Variants in SPATC1L observed in about 807,000 individuals in gnomAD.
SPATC1L encodes speriolin-like protein.
SPATC1L carries 20 observed loss-of-function variants against 21.2 expected under a neutral mutation model. The ratio of observed to expected loss-of-function variants is 0.94; its 90% CI spans 0.66 to 1.37. SPATC1L has a LOEUF of 1.37. SPATC1L is among the 40% of genes most tolerant of loss of function. The probability of loss-of-function intolerance (pLI) is 0.00; values close to 1 mark genes in which losing one functional copy is unlikely to be tolerated. For missense variants in SPATC1L, 499 were observed against 478.7 expected, an observed-to-expected ratio of 1.04 and a Z score of -0.40; for synonymous variants, 290 against 234.5, an observed-to-expected ratio of 1.24 and a Z score of -2.16.
At chr21:46,175,738 G>A (rs546779615) in intron 2 of SPATC1L, among the ~76,000 whole-genome samples, 34 of 152,304 alleles carry the variant, frequency 2.2e-4, no homozygotes, top group African/African-American at 7.9e-4. Context: ...ACAAAGAAGA[G>A]CTGGTACCAT....
intron 2 of SPATC1L, among the ~76,000 whole-genome samples, chr21:46,175,688 C>T (rs981158267): frequency 1.3e-5 from 2 of 152,044 alleles, no homozygotes; most frequent in African/African-American, 4.8e-5. Context: ...CCAAAAAAAG[C>T]CAGGACCAGA....
At chr21:46,171,061 T>C (rs2839129) in intron 2 of SPATC1L, among the ~76,000 whole-genome samples, 41,544 of 152,158 alleles carry the variant, frequency 0.27, 6,974 homozygotes, top group African/African-American at 0.46. Flanking sequence ...CTCTGTGGTC[T>C]GACGCTGGGC....
chr21:46,173,286 G>A (rs894322726), intron 2 of SPATC1L, among the ~76,000 whole-genome samples: 3 of 152,010 alleles, frequency 2.0e-5, no homozygotes, highest in Non-Finnish European at 4.4e-5. Context: ...GGTGCCCTGG[G>A]GGTCTTCACC....
Position 46,161,676 on chromosome 21 carries a change from C to A in SPATC1L, c.726G>T (p.Val242=). Residue 242 remains valine (V), a synonymous_variant, in exon 5 of 5, where the codon GTG becomes GTT. Transcript: ENST00000291672. ...QTSTKSLDGS[V]DERKLRELTQ... is the part of the protein sequence containing the mutation. ...TCAGCTCGCGCAGCTTCCTCTCGTCCACGGAGCCGTCCAGAGACTTGGTGG... is the reference window on the plus strand; with the variant it reads ...TCAGCTCGCGCAGCTTCCTCTCGTCAACGGAGCCGTCCAGAGACTTGGTGG... 1 of 1,606,004 alleles carries A rather than the reference C, an allele frequency of 6.2e-7. No homozygotes were observed. Among genetic ancestry groups the A allele is most frequent in the Non-Finnish European group, 8.5e-7 (1 of 1,177,042 alleles).
rs1383750988 is a variant in SPATC1L at position 46,182,911 on chromosome 21, G to A, written c.-95C>T. 6.1e-6 allele frequency: 8 copies of A among 1,303,878 alleles called. No homozygotes were observed. Among genetic ancestry groups the A allele is most frequent in the African/African-American group, 4.5e-5 (3 of 66,548 alleles). The allele number at this position is 1,303,878 out of a possible 1,614,324, so 80.8% of individuals were successfully genotyped here. On this transcript the variant is annotated 5_prime_UTR_variant, in exon 2 of 5. Coordinates refer to ENST00000291672, the MANE Select transcript of SPATC1L (RefSeq NM_001142854.2). ...GGCACCACAGAAACAGCCCAGGCAC[G>A]GAGTTCCGTAGCCACCACCGCCTTC...
At chr21:46,169,065 C>T (rs956010292) in intron 2 of SPATC1L, among the ~76,000 whole-genome samples, 18 of 152,266 alleles carry the variant, frequency 1.2e-4, no homozygotes, top group Non-Finnish European at 2.5e-4. Flanking sequence ...ATTTATCCAC[C>T]CTGAGCCATC....
rs1258128450 is a variant in SPATC1L, at chr21:46,161,217, G to A, written c.*162C>T. 15 of 560,108 alleles carry A rather than the reference G, an allele frequency of 2.7e-5. No homozygotes were observed. Among genetic ancestry groups the A allele is most frequent in the African/African-American group, 6.0e-5 (3 of 50,004 alleles). The allele number at this position is 560,108 out of a possible 1,614,324, so 34.7% of individuals were successfully genotyped here. ...GCACTCCGCAGGTGCGGGCAGCGGC[G>A]GGCTGCGGTCGGGGCCCAGCACCGG... On this transcript the variant is annotated 3_prime_UTR_variant, in exon 5 of 5. Transcript: ENST00000291672.
intron 3 of SPATC1L, 107 bp downstream of exon 3, chr21:46,168,201 T>A (rs2079553836): frequency 1.5e-6 from 1 of 680,936 alleles, no homozygotes; most frequent in Non-Finnish European, 2.4e-6. Flanking sequence ...CTCCACTCTG[T>A]GTGACTGGAT....
intron 2 of SPATC1L, among the ~76,000 whole-genome samples, chr21:46,175,293 C>T (rs1232258333): frequency 6.6e-6 from 1 of 152,104 alleles, no homozygotes; most frequent in East Asian, 1.9e-4. Context: ...TAGCAGAAAA[C>T]AAGAAATAAC....
At chr21:46,161,805 G>C (rs984270016) in intron 4 of SPATC1L, 100 bp from the exon 5 acceptor site, 1 of 1,498,428 alleles carries the variant, frequency 6.7e-7, no homozygotes, top group African/African-American at 1.4e-5. Context: ...CTGGGTCCCC[G>C]GGGTCCCCTC....
chr21:46,164,490 T>C (rs956718732), intron 3 of SPATC1L, among the ~76,000 whole-genome samples: 1 of 152,074 alleles, frequency 6.6e-6, no homozygotes, highest in East Asian at 1.9e-4. Flanking sequence ...AATGTATTTC[T>C]CTCATCAAGA....
In SPATC1L at chr21:46,168,542, G is replaced by A; in HGVS notation, c.310C>T (p.Pro104Ser). The change falls in exon 3 of 5, where the codon CCG (proline) becomes TCG (serine). Residue 104 changes from proline (P) to serine (S), a missense_variant. Coordinates refer to ENST00000291672, the MANE Select transcript of SPATC1L (RefSeq NM_001142854.2). The stretch of plus-strand genomic sequence containing the variant: ...GCCTGGGAGGGGGCTGCACAGCCCG[G>A]GGAGGTGTCGTCCTCGCTGGACAGG... ...APLSSEDDTS[P>S]GCAAPSQAPF... is the part of the protein sequence containing the mutation. 4 of 1,516,346 alleles carry A rather than the reference G, an allele frequency of 2.6e-6. No individual in the cohort carries two copies. Among genetic ancestry groups the A allele is most frequent in the Non-Finnish European group, 3.6e-6 (4 of 1,120,686 alleles). 93.9% of individuals were successfully genotyped at this position (1,516,346 alleles called of 1,614,324 possible).
chr21:46,161,356 C>A lies in SPATC1L; in HGVS notation c.*23G>T. 2 of 1,492,138 alleles carry A rather than the reference C, an allele frequency of 1.3e-6. No individual in the cohort carries two copies. The highest frequency in any genetic ancestry group is 2.3e-5 in the East Asian group (1 of 43,006). 92.4% of individuals were successfully genotyped at this position (1,492,138 alleles called of 1,614,324 possible). On this transcript the variant is annotated 3_prime_UTR_variant, in exon 5 of 5. Transcript: ENST00000291672. ...TTGGAACAAACGCGTTTACTGCAGG[C>A]AAGGCGGCGGGCGCGGGGCGGCTCA... is the stretch of plus-strand genomic sequence containing the variant.
At position 46,182,641 on chromosome 21, in the gene SPATC1L, C is replaced by G; in HGVS notation, c.176G>C (p.Gly59Ala). The part of the protein sequence containing the change: ...PPRAHAYPEA[G>A]SPGSGVPDFG... ...CGCCTCACCTCCGCTCCCGGGGGAG[C>G]CGGCCTCAGGGTAGGCATGCGCCCT... The change falls in exon 2 of 5, where the codon GGC becomes GCC. Residue 59 changes from glycine (G) to alanine (A), a missense_variant. Coordinates refer to ENST00000291672, the MANE Select transcript of SPATC1L (RefSeq NM_001142854.2). The G allele has an allele frequency of 1.3e-6, 2 of 1,518,732 alleles. No homozygotes were observed. Among genetic ancestry groups the G allele is most frequent in the Non-Finnish European group, 1.8e-6 (2 of 1,134,176 alleles). The allele number at this position is 1,518,732 out of a possible 1,614,324, so 94.1% of individuals were successfully genotyped here.
Position 46,168,645 on chromosome 21 carries a change from T to G in SPATC1L, c.207A>C (p.Gly69=). 7.3e-7 allele frequency: 1 copy of G among 1,363,470 alleles called. No homozygotes were observed. Among genetic ancestry groups the G allele is most frequent in the Non-Finnish European group, 9.6e-7 (1 of 1,046,122 alleles). 84.5% of individuals were successfully genotyped at this position (1,363,470 alleles called of 1,614,324 possible). A position where few individuals can be genotyped will look rare whatever the true frequency, so the allele number is the denominator to read the frequency against. ...GCGTGTCGGCAACACTCGTGAACCT[T>G]CCGAAATCTGGAACTGAGGCGGGGA... ...GSPGSGVPDF[G]RFTSVADTPS... is the part of the protein sequence containing the mutation. The change falls in exon 3 of 5, where the codon GGA becomes GGC. Residue 69 remains glycine (G), a synonymous_variant. Transcript: ENST00000291672.
intron 2 of SPATC1L, among the ~76,000 whole-genome samples, chr21:46,171,080 G>A (rs1219749307): frequency 6.6e-6 from 1 of 152,242 alleles, no homozygotes; most frequent in Non-Finnish European, 1.5e-5. Flanking sequence ...GCTCAGGTGT[G>A]TTCACTTTCT....
At chr21:46,162,908 C>T (rs2079513258) in intron 3 of SPATC1L, among the ~76,000 whole-genome samples, 1 of 151,966 alleles carries the variant, frequency 6.6e-6, no homozygotes, top group Non-Finnish European at 1.5e-5. Context: ...ACTTTAATTA[C>T]TTCCTCAACA....
chr21:46,180,342 A>G (rs540513721), intron 2 of SPATC1L, among the ~76,000 whole-genome samples: 11 of 152,222 alleles, frequency 7.2e-5, no homozygotes, highest in Non-Finnish European at 1.2e-4. Flanking sequence ...GATCTCCACT[A>G]AAGTTCCAGA....
chr21:46,174,286 G>A (rs2079613010), intron 2 of SPATC1L, among the ~76,000 whole-genome samples: 1 of 147,032 alleles, frequency 6.8e-6, no homozygotes, highest in African/African-American at 2.6e-5. Flanking sequence ...CCGAGATTGT[G>A]CTACTGCACT....
Sources: allele counts gnomAD v4.1 joint callset (sites outside exome capture counted in the v4.1 genomes callset), GRCh38; gene constraint gnomAD v4.1.1; transcripts MANE v1.5; gene names NCBI Gene and HGNC (gene_info 2026-07-23, HGNC 2026-07-21).